ZMYM6: variants seen among roughly 807,000 people sequenced by gnomAD.
The protein encoded by ZMYM6 is zinc finger MYM-type protein 6.
In ZMYM6, 90 loss-of-function variants were observed where a neutral mutation model predicts 134.0. The ratio of observed to expected loss-of-function variants is 0.67; its 90% confidence interval spans 0.57 to 0.80. ZMYM6 has a LOEUF of 0.80. ZMYM6 is among the 30% of genes least tolerant of loss of function. ZMYM6 has a pLI of 0.00. For synonymous variants in ZMYM6, 481 were observed against 524.1 expected, an observed-to-expected ratio of 0.92 and a Z score of 1.12; for missense variants, 1,362 against 1,533.9, an observed-to-expected ratio of 0.89 and a Z score of 1.87.
At chr1:34,995,571 CCTT>C (rs1365285989) in intron 14 of ZMYM6, among the ~76,000 whole-genome samples, 1 of 152,010 alleles carries the variant, frequency 6.6e-6, no homozygotes, top group African/African-American at 2.4e-5. Flanking sequence ...CTGTACTCAT[CCTT>C]CTTCTTGTGA....
At chr1:34,988,973 C>T (rs1640619645) in intron 15 of ZMYM6, 38 bp from the exon 16 acceptor site, 1 of 1,583,628 alleles carries the variant, frequency 6.3e-7, no homozygotes. Context: ...TTTTCAAGAA[C>T]AAATAAGCAA....
intron 4 of ZMYM6, 137 bp from the exon 5 acceptor site, chr1:35,015,299 G>T: frequency 1.3e-6 from 1 of 744,466 alleles, no homozygotes; most frequent in Non-Finnish European, 2.1e-6. Flanking sequence ...GCAAACCTGG[G>T]TTTGATGAGT....
Position 34,988,787 on chromosome 1 carries a change from C to T in ZMYM6, c.2295G>A (p.Arg765=). 6.4e-7 allele frequency: 1 copy of T among 1,551,734 alleles called. No homozygotes were observed. Among genetic ancestry groups the T allele is most frequent in the Non-Finnish European group, 8.7e-7 (1 of 1,147,188 alleles). ...ICPGSKESSP[R]PQCVICGEIL... ...TCTCTCCACAAATGACACACTGTGG[C>T]CTTGGTGAACTTTCTTTTGATCCAG... Residue 765 remains arginine, a synonymous_variant, in exon 16 of 16, where the codon AGG becomes AGA. Coordinates refer to ENST00000357182, the MANE Select transcript of ZMYM6 (RefSeq NM_007167.4).
At chr1:34,989,121 T>C in intron 15 of ZMYM6, 186 bp from the exon 16 acceptor site, 1 of 1,388,614 alleles carries the variant, frequency 7.2e-7, no homozygotes, top group Non-Finnish European at 9.3e-7. Context: ...AATTTCTCCT[T>C]TGCCCAAAGC....
At chr1:35,029,450 G>GT (rs1358142052) in intron 2 of ZMYM6, among the ~76,000 whole-genome samples, 3 of 151,688 alleles carry the variant, frequency 2.0e-5, no homozygotes, top group Non-Finnish European at 4.4e-5. Flanking sequence ...TAATATGGTG[G>GT]TAAGAATGGT....
Position 35,007,108 on chromosome 1 carries a change from A to C in ZMYM6, c.1666-10T>G. On this transcript the variant is annotated splice_polypyrimidine_tract_variant and intron_variant, in intron 11 of 15. Transcript: ENST00000357182. ...CATCACACTTGGCCATCTGAAAAAGAAATGTTAGACAAGATAGGCTTAAAA... is the reference window on the plus strand; with the variant it reads ...CATCACACTTGGCCATCTGAAAAAGCAATGTTAGACAAGATAGGCTTAAAA... 2 of 1,589,618 alleles carry C rather than the reference A, an allele frequency of 1.3e-6. No individual in the cohort carries two copies. Among genetic ancestry groups the C allele is most frequent in the Non-Finnish European group, 1.7e-6 (2 of 1,170,904 alleles).
At chr1:34,997,433 T>C (rs1450632004) in intron 14 of ZMYM6, among the ~76,000 whole-genome samples, 2 of 152,118 alleles carry the variant, frequency 1.3e-5, no homozygotes, top group East Asian at 3.9e-4. Flanking sequence ...GCCACCTGAG[T>C]AGCTGGGATT....
At chr1:35,024,081 T>C (rs1468415317) in intron 2 of ZMYM6, among the ~76,000 whole-genome samples, 1 of 152,200 alleles carries the variant, frequency 6.6e-6, no homozygotes, top group Non-Finnish European at 1.5e-5. Context: ...TGCTCATTGA[T>C]GTTTCAATTG....
rs1473818219 is a variant in ZMYM6, at chr1:35,020,470, T to TA, written c.94-4_94-3insT. 1.8e-5 allele frequency: 28 copies of TA among 1,559,092 alleles called. No homozygotes were observed. The highest frequency in any genetic ancestry group is 6.0e-5 in the Admixed American group (3 of 49,844). ...GGCTGTTGGACACATCCATACTCCT[T>TA]TAAAAAAAAAAAGAAAAGAGAAAAG... On this transcript the variant is annotated splice_region_variant and splice_polypyrimidine_tract_variant and intron_variant, in intron 2 of 15. Coordinates refer to ENST00000357182, the MANE Select transcript of ZMYM6 (RefSeq NM_007167.4).
intron 6 of ZMYM6, chr1:35,012,816 T>C (rs950930060): frequency 2.0e-6 from 2 of 985,200 alleles, no homozygotes; most frequent in African/African-American, 3.5e-5. Context: ...ACAAAACACA[T>C]GAATTCAAAC....
Position 35,007,010 on chromosome 1 carries a change from A to T in ZMYM6, c.1754T>A (p.Phe585Tyr), listed in dbSNP as rs765344956. ...CTGATGACAAAACTCCAAGACACAA[A>T]ATAGGTTACAGAAATGTTTAATGTT... is the stretch of plus-strand genomic sequence containing the variant. ...RGNIKHFCNL[F>Y]CVLEFCHQQI... The change falls in exon 12 of 16, where the codon TTT (phenylalanine) becomes TAT (tyrosine). Residue 585 changes from phenylalanine (F) to tyrosine (Y), a missense_variant. Transcript: ENST00000357182. 1 of 1,613,520 alleles carries T rather than the reference A, an allele frequency of 6.2e-7. No individual in the cohort carries two copies. Among genetic ancestry groups the T allele is most frequent in the South Asian group, 1.1e-5 (1 of 90,844 alleles).
chr1:35,003,325 A>C (rs1640912996), intron 14 of ZMYM6, among the ~76,000 whole-genome samples: 1 of 152,216 alleles, frequency 6.6e-6, no homozygotes, highest in Non-Finnish European at 1.5e-5. Context: ...ACAATGCCAT[A>C]ATTTGCAATC....
chr1:35,016,228 C>A (rs1641186255), intron 4 of ZMYM6, among the ~76,000 whole-genome samples: 2 of 152,098 alleles, frequency 1.3e-5, no homozygotes, highest in Non-Finnish European at 1.5e-5. Flanking sequence ...GGATTACAGG[C>A]ATAAGCCACC....
intron 6 of ZMYM6, chr1:35,013,477 C>T (rs1641125700): frequency 1.0e-6 from 1 of 985,020 alleles, no homozygotes; most frequent in Non-Finnish European, 1.2e-6. Flanking sequence ...AGAAATGGAA[C>T]TGATTTTGGG....
chr1:35,016,113 G>A (rs1641183652), intron 4 of ZMYM6, among the ~76,000 whole-genome samples: 1 of 151,826 alleles, frequency 6.6e-6, no homozygotes, highest in Non-Finnish European at 1.5e-5. Context: ...ACCATGCCAG[G>A]CTAATTTTTG....
rs768988738 is a variant in ZMYM6 at position 35,012,474 on chromosome 1, A to C, written c.903T>G (p.Ile301Met). 49 of 1,610,848 alleles carry C rather than the reference A, an allele frequency of 3.0e-5. No individual in the cohort carries two copies. The Middle Eastern group carries it at 8.3e-4, about 27-fold the overall frequency. ...DSGKTELFCS[I>M]NCLSAYRVKT... The stretch of plus-strand genomic sequence containing the variant: ...TAACTCTGTAAGCAGATAAGCAATT[A>C]ATAGAGCAGAAAAGCTCTGTTTTTC... Residue 301 changes from isoleucine (I) to methionine (M), a missense_variant, in exon 7 of 16, where the codon ATT (isoleucine) becomes ATG (methionine). Ile to Met is a conservative substitution (Grantham distance 10). This residue lies in a region of ZMYM6 where 503 missense variants were observed against 520.8 expected (regional missense o/e 0.97). Transcript: ENST00000357182.
intron 4 of ZMYM6, among the ~76,000 whole-genome samples, chr1:35,015,743 A>AAAAAAAAAAAATATATATAT: frequency 1.9e-5 from 2 of 106,472 alleles, no homozygotes; most frequent in African/African-American, 1.3e-4. Flanking sequence ...AAAAAAAAAA[A>AAAAAAAAAAAATATATATAT]ATATATATAT....
chr1:35,007,427 A>G (rs954301659), intron 11 of ZMYM6, among the ~76,000 whole-genome samples: 5 of 151,990 alleles, frequency 3.3e-5, no homozygotes, highest in African/African-American at 1.2e-4. Flanking sequence ...CGTATCTACT[A>G]AAGTACAAAA....
At chr1:35,028,779 G>A (rs113463249) in intron 2 of ZMYM6, among the ~76,000 whole-genome samples, 8,035 of 151,842 alleles carry the variant, frequency 0.053, 704 homozygotes, top group African/African-American at 0.18. Context: ...GATTACAGAC[G>A]TGAGCCACTG....
Sources: gnomAD v4.1 joint callset for allele counts (sites outside exome capture counted in the v4.1 genomes callset) on GRCh38, gnomAD v4.1.1 for gene constraint, gnomAD v4.1.1 regional missense constraint, MANE v1.5 for transcripts, NCBI Gene and HGNC (gene_info 2026-07-23, HGNC 2026-07-21) for gene names.